Variants in BBX observed in about 807,000 individuals in gnomAD.
The protein encoded by BBX is BBX high mobility group box domain containing.
In BBX, 30 loss-of-function variants were observed where a neutral mutation model predicts 100.2. The observed-to-expected ratio is 0.30, with a 90% CI of 0.22 to 0.41. BBX has a LOEUF of 0.41. Ranked by LOEUF, BBX falls within the 10% of genes least tolerant of loss-of-function variation. BBX has a pLI of 1.00. For missense variants in BBX, 1,023 were observed against 1,129.8 expected (o/e 0.91, Z 1.35); for synonymous variants, 376 against 388.1 (o/e 0.97, Z 0.37).
At chr3:107,575,320 A>G (rs1410703418) in intron 2 of BBX, among the ~76,000 whole-genome samples, 1 of 152,220 alleles carries the variant, frequency 6.6e-6, no homozygotes, top group Non-Finnish European at 1.5e-5. Flanking sequence ...TTAGAAAATA[A>G]TTAATATCAG....
At chr3:107,584,078 A>G (rs2052550229) in intron 2 of BBX, among the ~76,000 whole-genome samples, 1 of 31,260 alleles carries the variant, frequency 3.2e-5, no homozygotes, top group African/African-American at 1.4e-4. Context: ...TATTATATAT[A>G]TTATATATAT....
chr3:107,647,090 GTTA>G (rs1043172235), intron 3 of BBX, among the ~76,000 whole-genome samples: 42 of 152,212 alleles, frequency 2.8e-4, no homozygotes, highest in African/African-American at 9.9e-4. Flanking sequence ...AGGCACACTT[GTTA>G]CAAATATTAA....
intron 15 of BBX, among the ~76,000 whole-genome samples, chr3:107,794,944 T>TGCATCATCACTCTCA (rs1244698488): frequency 6.6e-6 from 1 of 152,202 alleles, no homozygotes; most frequent in Admixed American, 6.5e-5. Context: ...GGAGTGAGCT[T>TGCATCATCACTCTCA]GCATCATCAC....
chr3:107,545,134 C>T (rs546105704), intron 2 of BBX, among the ~76,000 whole-genome samples: 1 of 152,208 alleles, frequency 6.6e-6, no homozygotes, highest in African/African-American at 2.4e-5. Flanking sequence ...ATCTCTTGGC[C>T]CAACCAATTT....
chr3:107,658,260 A>G (rs542737999), intron 3 of BBX, among the ~76,000 whole-genome samples: 4 of 152,298 alleles, frequency 2.6e-5, no homozygotes, highest in Non-Finnish European at 4.4e-5. Context: ...CTATAAATGT[A>G]GTTGTAATAT....
intron 2 of BBX, among the ~76,000 whole-genome samples, chr3:107,564,846 A>G (rs1372934136): frequency 2.6e-5 from 4 of 152,128 alleles, no homozygotes; most frequent in Admixed American, 2.0e-4. Context: ...CATTCTTCCA[A>G]ATGAATTTAG....
Position 107,796,840 on chromosome 3 carries a change from A to T in BBX, c.2354-1683A>T, listed in dbSNP as rs899241972. Among the ~76,000 whole-genome samples, 37 of 152,202 alleles carry T rather than the reference A, an allele frequency of 2.4e-4. 1 individual carries two copies. The highest frequency in any genetic ancestry group is 2.6e-4 in the Non-Finnish European group (18 of 68,034). On this transcript the variant is annotated intron_variant, in intron 15 of 17. Transcript: ENST00000325805. ...GTAAATTAATCCACCATTGAGGTAGATCTATTTGACCTGGGAATAGATCTG... is the reference window on the plus strand; with the variant it reads ...GTAAATTAATCCACCATTGAGGTAGTTCTATTTGACCTGGGAATAGATCTG...
intron 2 of BBX, among the ~76,000 whole-genome samples, chr3:107,638,845 C>A (rs2057026523): frequency 7.2e-6 from 1 of 139,754 alleles, no homozygotes; most frequent in African/African-American, 2.6e-5. Flanking sequence ...ACAAATTAGC[C>A]AGGTCTGGTG....
intron 9 of BBX, among the ~76,000 whole-genome samples, chr3:107,748,763 C>CT (rs2064828284): frequency 6.6e-6 from 1 of 152,106 alleles, no homozygotes; most frequent in Non-Finnish European, 1.5e-5. Flanking sequence ...TAGGTCTTTT[C>CT]TTTTTTCCCT....
intron 7 of BBX, among the ~76,000 whole-genome samples, chr3:107,735,058 T>A (rs1417866981): frequency 6.6e-6 from 1 of 152,168 alleles, no homozygotes; most frequent in Non-Finnish European, 1.5e-5. Context: ...ATTTCCCATC[T>A]CAGAGATATT....
At chr3:107,689,753 G>A (rs1053135124) in intron 3 of BBX, among the ~76,000 whole-genome samples, 1 of 152,078 alleles carries the variant, frequency 6.6e-6, no homozygotes, top group Non-Finnish European at 1.5e-5. Context: ...ATACCAACAA[G>A]GCTTGTAAAA....
chr3:107,654,919 G>A (rs2107825846), intron 3 of BBX, among the ~76,000 whole-genome samples: 1 of 152,260 alleles, frequency 6.6e-6, no homozygotes, highest in East Asian at 1.9e-4. Flanking sequence ...GCACTATTAA[G>A]GAAATGTGTT....
chr3:107,614,423 A>AC (rs1161695831), intron 2 of BBX, among the ~76,000 whole-genome samples: 4 of 147,942 alleles, frequency 2.7e-5, no homozygotes, highest in Non-Finnish European at 4.5e-5. Flanking sequence ...CTTCACCCCC[A>AC]CCCCCCCAAA....
chr3:107,787,244 T>C (rs929737362), intron 13 of BBX, among the ~76,000 whole-genome samples: 7 of 152,162 alleles, frequency 4.6e-5, no homozygotes, highest in Non-Finnish European at 1.0e-4. Context: ...ATCTACCCGC[T>C]TTGGCCCCCC....
At chr3:107,613,941 G>GTTTTTTTTTTT in intron 2 of BBX, among the ~76,000 whole-genome samples, 1 of 86,586 alleles carries the variant, frequency 1.2e-5, no homozygotes, top group Admixed American at 1.3e-4. Context: ...ACATACCATG[G>GTTTTTTTTTTT]TTTTTTTTTT....
chr3:107,796,081 A>G (rs891735299), intron 15 of BBX, among the ~76,000 whole-genome samples: 8 of 152,172 alleles, frequency 5.3e-5, no homozygotes, highest in African/African-American at 1.9e-4. Context: ...TGGCTCCTTT[A>G]AAGCTAATAC....
intron 13 of BBX, among the ~76,000 whole-genome samples, chr3:107,778,886 A>AAC (rs2067557412): frequency 6.6e-6 from 1 of 150,998 alleles, no homozygotes; most frequent in Non-Finnish European, 1.5e-5. Flanking sequence ...CAACAGGTTG[A>AAC]ACTCGGGGAC....
At chr3:107,545,205 C>G (rs1205896784) in intron 2 of BBX, among the ~76,000 whole-genome samples, 4 of 152,078 alleles carry the variant, frequency 2.6e-5, no homozygotes, top group Non-Finnish European at 4.4e-5. Flanking sequence ...ATTTTCTGAC[C>G]TTTATTAAAA....
chr3:107,693,873 T>C (rs1161106218), intron 3 of BBX, among the ~76,000 whole-genome samples: 3 of 150,310 alleles, frequency 2.0e-5, no homozygotes, highest in South Asian at 2.1e-4. Context: ...TTTTATTTCC[T>C]TGAGCAGTGG....
Sources: allele counts gnomAD v4.1 joint callset (sites outside exome capture counted in the v4.1 genomes callset), GRCh38; gene constraint gnomAD v4.1.1; transcripts MANE v1.5; gene names NCBI Gene and HGNC (gene_info 2026-07-23, HGNC 2026-07-21).